Variants in NFIL3 observed in about 807,000 individuals in gnomAD.
The protein encoded by NFIL3 is nuclear factor, interleukin 3 regulated.
In NFIL3, 5 loss-of-function variants were observed where a neutral mutation model predicts 10.0. The observed-to-expected ratio is 0.50, with a 90% confidence interval of 0.26 to 1.06. NFIL3 has a LOEUF of 1.06. Ranked by LOEUF, NFIL3 falls within the 50% of genes least tolerant of loss-of-function variation. The pLI is 0.13. For synonymous variants in NFIL3, 202 were observed against 206.5 expected (o/e 0.98, Z 0.19); for missense variants, 436 against 547.6 (o/e 0.80, Z 2.03).
chr9:91,424,051 C>T (rs546920838), upstream of NFIL3, among the ~76,000 whole-genome samples: 293 of 150,790 alleles, frequency 1.9e-3, 1 homozygote, highest in Middle Eastern at 0.01. Context: ...GCGTCCCTCC[C>T]CGGCCAGGGC....
intron 1 of NFIL3, among the ~76,000 whole-genome samples, chr9:91,413,260 T>C (rs554757258): frequency 3.3e-5 from 5 of 152,176 alleles, no homozygotes; most frequent in African/African-American, 1.2e-4. Flanking sequence ...ATTTCCTTTT[T>C]TTTTTTTGAT....
chr9:91,473,772 A>C, the NFIL3 span, among the ~76,000 whole-genome samples: 1 of 152,184 alleles, frequency 6.6e-6, no homozygotes, highest in Non-Finnish European at 1.5e-5. Flanking sequence ...GAAATGTAGA[A>C]ATCACCTGTC....
intron 1 of NFIL3, among the ~76,000 whole-genome samples, chr9:91,415,559 T>C (rs1833637660): frequency 6.6e-6 from 1 of 152,134 alleles, no homozygotes; most frequent in African/African-American, 2.4e-5. Context: ...TTCTGAGTAA[T>C]ACATACCCTT....
chr9:91,418,853 GTGT>G lies in NFIL3; in HGVS notation c.-173+4784_-173+4786del, dbSNP rs977423487. On this transcript the variant is annotated intron_variant, in intron 1 of 1. Coordinates refer to ENST00000297689, the MANE Select transcript of NFIL3 (RefSeq NM_005384.3). ...AAAGCCATATGAGAAACAGTTTTGGGTGTTTTTTTTTTTTTTAACTACAGTAAA... is the reference window on the plus strand; with the variant it reads ...AAAGCCATATGAGAAACAGTTTTGGGTTTTTTTTTTTTTAACTACAGTAAA... Among the ~76,000 whole-genome samples, 14 of 77,164 alleles carry G rather than the reference GTGT, an allele frequency of 1.8e-4. 1 individual carries two copies. The highest frequency in any genetic ancestry group is 7.5e-4 in the African/African-American group (13 of 17,238). 50.6% of individuals were successfully genotyped at this position (77,164 alleles called of 152,430 possible).
the NFIL3 span, among the ~76,000 whole-genome samples, chr9:91,429,459 C>T: frequency 2.6e-5 from 4 of 152,168 alleles, no homozygotes; most frequent in Non-Finnish European, 5.9e-5. Context: ...CTGGCTCATT[C>T]ATAACCTTCC....
chr9:91,424,409 C>T (rs923106521), upstream of NFIL3, among the ~76,000 whole-genome samples: 3 of 152,204 alleles, frequency 2.0e-5, no homozygotes, highest in East Asian at 1.9e-4. Context: ...AGCCCTCTAC[C>T]TTGGGGTGGG....
At chr9:91,469,809 T>C in the NFIL3 span, among the ~76,000 whole-genome samples, 1 of 152,310 alleles carries the variant, frequency 6.6e-6, no homozygotes, top group Admixed American at 6.5e-5. Flanking sequence ...TTGTCTTTGG[T>C]TCTGTTTATA....
chr9:91,478,870 G>A, the NFIL3 span, among the ~76,000 whole-genome samples: 2 of 152,128 alleles, frequency 1.3e-5, no homozygotes, highest in Non-Finnish European at 2.9e-5. Context: ...ATTCCTTTCT[G>A]TTTGTTAGTT....
chr9:91,422,563 C>G (rs1833789995), intron 1 of NFIL3, among the ~76,000 whole-genome samples: 1 of 152,170 alleles, frequency 6.6e-6, no homozygotes, highest in Non-Finnish European at 1.5e-5. Context: ...AGCTCCCTCT[C>G]TCTATGCTCA....
chr9:91,417,681 GAGA>G (rs1240452776), intron 1 of NFIL3, among the ~76,000 whole-genome samples: 4 of 152,118 alleles, frequency 2.6e-5, no homozygotes, highest in African/African-American at 4.8e-5. Context: ...CGTTGAAAAA[GAGA>G]AGGATTTTTA....
At chr9:91,438,781 T>C in the NFIL3 span, among the ~76,000 whole-genome samples, 3 of 152,240 alleles carry the variant, frequency 2.0e-5, no homozygotes, top group African/African-American at 7.2e-5. Flanking sequence ...TTCTCCATTG[T>C]GTCCTCTTGG....
At chr9:91,448,778 T>A in the NFIL3 span, among the ~76,000 whole-genome samples, 1 of 152,152 alleles carries the variant, frequency 6.6e-6, no homozygotes, top group African/African-American at 2.4e-5. Flanking sequence ...GAAAAAAAGG[T>A]CATCAGAATC....
the NFIL3 span, among the ~76,000 whole-genome samples, chr9:91,437,035 G>T: frequency 6.6e-6 from 1 of 152,160 alleles, no homozygotes; most frequent in African/African-American, 2.4e-5. Flanking sequence ...TCCCTCGCAT[G>T]CGCAGTTCCC....
the NFIL3 span, among the ~76,000 whole-genome samples, chr9:91,460,271 C>CCTTTTTTTTTTTTTTTTTTT: frequency 1.4e-5 from 1 of 70,444 alleles, no homozygotes; most frequent in South Asian, 5.2e-4. Context: ...GGGCTTGGTT[C>CCTTTTTTTTTTTTTTTTTTT]TTTTTTTTTT....
the NFIL3 span, among the ~76,000 whole-genome samples, chr9:91,466,445 C>T: frequency 6.6e-6 from 1 of 152,084 alleles, no homozygotes; most frequent in South Asian, 2.1e-4. Context: ...AAGAGAACTG[C>T]AATTGTTATG....
chr9:91,481,651 A>C, the NFIL3 span, among the ~76,000 whole-genome samples: 1 of 152,148 alleles, frequency 6.6e-6, no homozygotes, highest in Non-Finnish European at 1.5e-5. Context: ...TTTGCGGTTA[A>C]CGTTTTTTGT....
the NFIL3 span, among the ~76,000 whole-genome samples, chr9:91,451,650 A>G: frequency 6.6e-6 from 1 of 152,228 alleles, no homozygotes; most frequent in Non-Finnish European, 1.5e-5. Flanking sequence ...AATGTCTCTC[A>G]GACAAAAAGC....
At chr9:91,478,121 T>C in the NFIL3 span, among the ~76,000 whole-genome samples, 1 of 152,190 alleles carries the variant, frequency 6.6e-6, no homozygotes. Context: ...CTGATGATTA[T>C]GTGTCTTGGG....
chr9:91,458,996 T>G, the NFIL3 span, among the ~76,000 whole-genome samples: 1 of 152,218 alleles, frequency 6.6e-6, no homozygotes, highest in African/African-American at 2.4e-5. Context: ...ACAGGATGCC[T>G]TATTTGCATA....
Sources: gnomAD v4.1 joint callset for allele counts (sites outside exome capture counted in the v4.1 genomes callset) on GRCh38, gnomAD v4.1.1 for gene constraint, MANE v1.5 for transcripts, NCBI Gene and HGNC (gene_info 2026-07-23, HGNC 2026-07-21) for gene names.